Variants in CCDC7 observed in about 807,000 individuals in gnomAD.
CCDC7 encodes the protein coiled-coil domain-containing protein 7.
A neutral mutation model predicts 196.9 loss-of-function variants in CCDC7; 183 were observed. The ratio of observed to expected loss-of-function variants is 0.93; its 90% CI spans 0.82 to 1.05. The LOEUF is 1.05. CCDC7 is among the 50% of genes least tolerant of loss of function. The pLI, the probability that CCDC7 is intolerant of heterozygous loss-of-function variation, is 0.00. For synonymous variants in CCDC7, 525 were observed against 484.6 expected (o/e 1.08, Z -1.10); for missense variants, 1,540 against 1,482.2 (o/e 1.04, Z -0.64).
chr10:32,463,129 G>C (rs1358325784), intron 5 of CCDC7, 80 bp downstream of exon 6: 1 of 1,533,136 alleles, frequency 6.5e-7, no homozygotes, highest in Non-Finnish European at 8.9e-7. Context: ...TATAAGTTAA[G>C]TATGTATAAG....
intron 4 of CCDC7, 117 bp from the exon 6 acceptor site, chr10:32,462,900 A>T: frequency 1.4e-6 from 2 of 1,479,420 alleles, no homozygotes; most frequent in Admixed American, 2.0e-5. Flanking sequence ...GTCAGGGCTG[A>T]TATTTGATGG....
At chr10:32,771,077 C>G (rs2079085414) in intron 28 of CCDC7, among the ~76,000 whole-genome samples, 1 of 152,102 alleles carries the variant, frequency 6.6e-6, no homozygotes, top group African/African-American at 2.4e-5. Context: ...CATTTACATT[C>G]AATGTTAATA....
intron 21 of CCDC7, among the ~76,000 whole-genome samples, chr10:32,684,827 C>T (rs908454708): frequency 6.6e-6 from 1 of 152,222 alleles, no homozygotes; most frequent in Non-Finnish European, 1.5e-5. Context: ...TCTCCACACA[C>T]TTGTCCAAGT....
At chr10:32,542,369 G>A (rs2051596798) in intron 11 of CCDC7, among the ~76,000 whole-genome samples, 1 of 152,008 alleles carries the variant, frequency 6.6e-6, no homozygotes, top group Admixed American at 6.6e-5. Context: ...GCAGTGTCTC[G>A]TGCCTGTAAT....
rs1213703832 is a variant in CCDC7, at chr10:32,549,279, ATTTG to A, written c.1134+4983_1134+4986del. Reference sequence around the variant, plus strand: ...GGGATACTTTGTTTTTTTCTTATTGATTTGTTTGAGTTCGTCATAGATATTAGGT... The same window carrying A: ...GGGATACTTTGTTTTTTTCTTATTGATTTGAGTTCGTCATAGATATTAGGT... On this transcript the variant is annotated intron_variant, in intron 13 of 41. Coordinates refer to ENST00000639629, the Ensembl canonical transcript of CCDC7. 2.0e-5 allele frequency among the ~76,000 whole-genome samples: 3 copies of A among 151,284 alleles called. No homozygotes were observed. In the East Asian group the frequency reaches 5.8e-4, roughly 29 times the overall value.
chr10:32,505,332 G>A (rs192378013), intron 9 of CCDC7, among the ~76,000 whole-genome samples: 73 of 152,052 alleles, frequency 4.8e-4, no homozygotes, highest in African/African-American at 6.3e-4. Flanking sequence ...AGGTCCCTGC[G>A]GCCTTCCACA....
chr10:32,710,982 G>T (rs950322994), intron 24 of CCDC7, among the ~76,000 whole-genome samples: 4 of 152,166 alleles, frequency 2.6e-5, no homozygotes, highest in African/African-American at 9.7e-5. Context: ...AAGGTAGGAT[G>T]TATCAGCATA....
chr10:32,869,485 A>G (rs1331049586), intron 41 of CCDC7, among the ~76,000 whole-genome samples: 1 of 151,988 alleles, frequency 6.6e-6, no homozygotes, highest in African/African-American at 2.4e-5. Flanking sequence ...ACATGAGTAG[A>G]TTGCAAAAAT....
rs779341941 is a variant in CCDC7, at chr10:32,633,696, A to ATATGTGTGTGTGTG, written c.1802-557_1802-556insATGTGTGTGTGTGT. On this transcript the variant is annotated intron_variant, in intron 18 of 41. Transcript: ENST00000639629. ...TTTAGCTTTGTGTATATATATATAT[A>ATATGTGTGTGTGTG]TGTGTGTGTGTGTGTGTGTGTGTGT... Among the ~76,000 whole-genome samples, 10 of 135,226 alleles carry ATATGTGTGTGTGTG rather than the reference A, an allele frequency of 7.4e-5. 1 individual carries two copies. In the East Asian group the frequency reaches 1.3e-3, roughly 18 times the overall value. The allele number at this position is 135,226 out of a possible 152,430, so 88.7% of individuals were successfully genotyped here.
At chr10:32,840,393 A>C (rs1435191299) in intron 33 of CCDC7, among the ~76,000 whole-genome samples, 1 of 152,094 alleles carries the variant, frequency 6.6e-6, no homozygotes, top group Non-Finnish European at 1.5e-5. Flanking sequence ...TATAAACTAG[A>C]AAACCTAGAG....
intron 25 of CCDC7, among the ~76,000 whole-genome samples, chr10:32,716,305 A>G (rs550995869): frequency 1.3e-5 from 2 of 152,330 alleles, no homozygotes; most frequent in East Asian, 3.9e-4. Flanking sequence ...ACTAAGCTTC[A>G]TAAGCAAAGG....
intron 11 of CCDC7, among the ~76,000 whole-genome samples, chr10:32,525,061 T>G (rs1564547118): frequency 2.0e-5 from 3 of 151,474 alleles, no homozygotes; most frequent in East Asian, 1.9e-4. Context: ...CATTGTGTGT[T>G]TTTTTTTTCT....
chr10:32,817,590 AGGT>A (rs2089035145), intron 31 of CCDC7, among the ~76,000 whole-genome samples: 2 of 152,354 alleles, frequency 1.3e-5, no homozygotes, highest in South Asian at 2.1e-4. Context: ...CCAGAGAGAA[AGGT>A]CAGGTTACCC....
chr10:32,633,682 G>GTATATA (rs139788574), intron 18 of CCDC7, among the ~76,000 whole-genome samples: 27,223 of 120,296 alleles, frequency 0.23, 3,801 homozygotes, highest in Non-Finnish European at 0.31. Flanking sequence ...TTAGCTTTGT[G>GTATATA]TATATATATA....
chr10:32,764,701 C>T (rs1245022637), intron 28 of CCDC7, among the ~76,000 whole-genome samples: 1 of 151,992 alleles, frequency 6.6e-6, no homozygotes, highest in Non-Finnish European at 1.5e-5. Flanking sequence ...CACCTTTCAC[C>T]ACAACTGTGA....
In CCDC7 at chr10:32,579,471, T is replaced by C. The variant is rs1252837523; in HGVS notation, c.1455-3563T>C. ...TTTAATAATTCAGAATGTCCTTATA[T>C]CAATTATATAATCTGAGAAAGAAAC... is the stretch of plus-strand genomic sequence containing the variant. On this transcript the variant is annotated intron_variant, in intron 16 of 41. Transcript: ENST00000639629. Among the ~76,000 whole-genome samples the C allele has an allele frequency of 3.9e-5, 6 of 152,134 alleles. No homozygotes were observed. The East Asian group carries it at 1.2e-3, about 29-fold the overall frequency.
intron 41 of CCDC7, among the ~76,000 whole-genome samples, chr10:32,861,481 C>A (rs1301911927): frequency 1.3e-5 from 2 of 152,040 alleles, no homozygotes; most frequent in African/African-American, 2.4e-5. Flanking sequence ...AGAAGAAAAC[C>A]TAGGCAATAC....
chr10:32,631,756 A>G (rs577487341), intron 18 of CCDC7, among the ~76,000 whole-genome samples: 13 of 152,042 alleles, frequency 8.6e-5, no homozygotes, highest in African/African-American at 1.7e-4. Context: ...CCTTTTAACA[A>G]TATTGTCTAA....
chr10:32,591,035 G>A (rs1165775409), intron 18 of CCDC7, among the ~76,000 whole-genome samples: 2 of 152,048 alleles, frequency 1.3e-5, no homozygotes, highest in African/African-American at 2.4e-5. Context: ...GGTTTGGGAA[G>A]TTCTCTGTTA....
Sources: allele counts gnomAD v4.1 joint callset (sites outside exome capture counted in the v4.1 genomes callset), GRCh38; gene constraint gnomAD v4.1.1; transcripts MANE v1.5; gene names NCBI Gene and HGNC (gene_info 2026-07-23, HGNC 2026-07-21).